CADPS: variants seen among roughly 807,000 people sequenced by gnomAD.
The protein encoded by CADPS is calcium dependent secretion activator.
A neutral mutation model predicts 167.3 loss-of-function variants in CADPS; 57 were observed. The observed-to-expected ratio is 0.34, with a 90% CI of 0.28 to 0.42. The LOEUF (loss-of-function observed/expected upper bound fraction) is 0.42, where lower values mean the gene tolerates loss of function less well. Ranked by LOEUF, CADPS falls within the 20% of genes least tolerant of loss-of-function variation. CADPS has a pLI of 1.00. For synonymous variants in CADPS, 676 were observed against 635.3 expected, an observed-to-expected ratio of 1.06 and a Z score of -0.96; for missense variants, 1,414 against 1,738.1, an observed-to-expected ratio of 0.81 and a Z score of 3.32.
In CADPS at chr3:62,530,643, T is replaced by C. The variant is rs1386504659; in HGVS notation, c.2291+2228A>G. 6 of 1,282,280 alleles carry C rather than the reference T, an allele frequency of 4.7e-6. No homozygotes were observed. In the Admixed American group the frequency reaches 9.4e-5, roughly 20 times the overall value. The allele number at this position is 1,282,280 out of a possible 1,614,324, so 79.4% of individuals were successfully genotyped here. A position where few individuals can be genotyped will look rare whatever the true frequency, so the allele number is the denominator to read the frequency against. On this transcript the variant is annotated intron_variant, in intron 13 of 29. Coordinates refer to ENST00000383710, the MANE Select transcript of CADPS (RefSeq NM_003716.4). ...TTACAAACACAAGCCAATACACACA[T>C]AACTTCTTACCTTTTCAGCTCTTGA... is the stretch of plus-strand genomic sequence containing the variant.
At chr3:62,791,100 G>A (rs1341152057) in intron 1 of CADPS, among the ~76,000 whole-genome samples, 1 of 152,096 alleles carries the variant, frequency 6.6e-6, no homozygotes. Flanking sequence ...AACAAGAGGG[G>A]AGACAAAATT....
Position 62,438,079 on chromosome 3 carries a change from C to T in CADPS, c.3777+25G>A, listed in dbSNP as rs547854639. 5 of 1,515,018 alleles carry T rather than the reference C, an allele frequency of 3.3e-6. No individual in the cohort carries two copies. The South Asian group carries it at 5.7e-5, about 17-fold the overall frequency. 93.8% of individuals were successfully genotyped at this position (1,515,018 alleles called of 1,614,324 possible). ...TTTGGAGGGTCTCCTCCTTGGTTTTCAAGGAGGAGAAGGCATTTACTTACA... is the reference window on the plus strand; with the variant it reads ...TTTGGAGGGTCTCCTCCTTGGTTTTTAAGGAGGAGAAGGCATTTACTTACA... On this transcript the variant is annotated intron_variant, in intron 28 of 29. Transcript: ENST00000383710. This position sits in a 1 kb window ranked among gnomAD's most constrained non-coding sequence, Gnocchi z 4.7.
intron 3 of CADPS, among the ~76,000 whole-genome samples, chr3:62,741,746 C>T (rs569600): frequency 0.34 from 52,276 of 151,864 alleles, 9,316 homozygotes; most frequent in South Asian, 0.48. Flanking sequence ...CCACTTCTAT[C>T]CAACACTGTA....
At chr3:62,462,370 G>A (rs940223673) in intron 26 of CADPS, among the ~76,000 whole-genome samples, 9 of 152,252 alleles carry the variant, frequency 5.9e-5, no homozygotes, top group Non-Finnish European at 1.3e-4. Context: ...AAGAGAGGAA[G>A]CAATGCAGAT....
intron 3 of CADPS, among the ~76,000 whole-genome samples, chr3:62,683,405 AG>A (rs2077456707): frequency 6.6e-6 from 1 of 152,016 alleles, no homozygotes; most frequent in South Asian, 2.1e-4. Context: ...TAGCATACAA[AG>A]GCTCGTTTGT....
intron 2 of CADPS, among the ~76,000 whole-genome samples, chr3:62,759,067 T>C (rs1223920690): frequency 2.0e-5 from 3 of 152,186 alleles, no homozygotes; most frequent in Admixed American, 1.3e-4. Context: ...TATTAATAAA[T>C]GGGCACATAA....
chr3:62,483,083 A>C (rs905134364), intron 21 of CADPS, among the ~76,000 whole-genome samples: 1 of 152,026 alleles, frequency 6.6e-6, no homozygotes, highest in African/African-American at 2.4e-5. Flanking sequence ...ATCCAGCCAA[A>C]GTCACTGGCA....
chr3:62,809,635 A>G (rs1479071875), intron 1 of CADPS, among the ~76,000 whole-genome samples: 1 of 151,192 alleles, frequency 6.6e-6, no homozygotes, highest in Non-Finnish European at 1.5e-5. Context: ...AGCACTTATC[A>G]CTCTCTGGTG....
At chr3:62,651,181 A>G (rs1299283035) in intron 4 of CADPS, 101 bp from the exon 5 acceptor site, 9 of 786,524 alleles carry the variant, frequency 1.1e-5, no homozygotes, top group Admixed American at 2.5e-5. Context: ...CACATCTACT[A>G]CTAGTGAAAT....
intron 3 of CADPS, among the ~76,000 whole-genome samples, chr3:62,689,131 T>C (rs753068611): frequency 1.1e-4 from 16 of 152,116 alleles, no homozygotes; most frequent in Non-Finnish European, 1.9e-4. Flanking sequence ...TGAACACATG[T>C]TGAATAAGGA....
At chr3:62,754,329 C>T (rs1043482542) in intron 2 of CADPS, among the ~76,000 whole-genome samples, 22 of 151,936 alleles carry the variant, frequency 1.4e-4, no homozygotes, top group Non-Finnish European at 2.2e-4. Context: ...GCCACCACAC[C>T]TGGCTATTTA....
intron 3 of CADPS, among the ~76,000 whole-genome samples, chr3:62,734,077 T>C (rs1397163375): frequency 6.6e-6 from 1 of 152,218 alleles, no homozygotes; most frequent in Non-Finnish European, 1.5e-5. Flanking sequence ...TTTGCAGTTG[T>C]GAATTTTGCT....
rs369301044 is a variant in CADPS at position 62,585,432 on chromosome 3, T to C, written c.1438-108A>G. On this transcript the variant is annotated intron_variant, in intron 7 of 29. Transcript: ENST00000383710. ...GGAGTGACTTGAACAATTCCCACTG[T>C]GGAGCAGCCATACCTGGGGATAGAA... The C allele has an allele frequency of 1.1e-4, 124 of 1,125,798 alleles. 1 individual carries two copies. The African/African-American group carries it at 1.7e-3, about 15-fold the overall frequency. The allele number at this position is 1,125,798 out of a possible 1,614,324, so 69.7% of individuals were successfully genotyped here.
chr3:62,830,037 C>A (rs485233), intron 1 of CADPS, among the ~76,000 whole-genome samples: 1 of 152,012 alleles, frequency 6.6e-6, no homozygotes, highest in Non-Finnish European at 1.5e-5. Flanking sequence ...GTGGGTGGCT[C>A]AGTGGGTGAT....
intron 6 of CADPS, among the ~76,000 whole-genome samples, chr3:62,628,618 C>A (rs529102600): frequency 1.8e-5 from 2 of 113,848 alleles, no homozygotes; most frequent in South Asian, 7.1e-4. Flanking sequence ...TCCATTCAAC[C>A]ATGAGCCTTT....
At chr3:62,561,761 A>G (rs2079205547) in intron 9 of CADPS, among the ~76,000 whole-genome samples, 2 of 152,152 alleles carry the variant, frequency 1.3e-5, no homozygotes, top group African/African-American at 2.4e-5. Flanking sequence ...AGACTAAAAT[A>G]CTTGGACATA....
chr3:62,706,746 A>G (rs895330514), intron 3 of CADPS, among the ~76,000 whole-genome samples: 13 of 152,224 alleles, frequency 8.5e-5, no homozygotes, highest in African/African-American at 2.7e-4. Context: ...TTTTTATAAG[A>G]ATATCATCAT....
chr3:62,690,250 T>A (rs1462131015), intron 3 of CADPS, among the ~76,000 whole-genome samples: 1 of 152,010 alleles, frequency 6.6e-6, no homozygotes, highest in African/African-American at 2.4e-5. Flanking sequence ...ATTCCCAATA[T>A]ACTGAGAGGG....
At chr3:62,847,326 G>A (rs1577254185) in intron 1 of CADPS, among the ~76,000 whole-genome samples, 1 of 110,790 alleles carries the variant, frequency 9.0e-6, no homozygotes, top group Non-Finnish European at 1.8e-5. Flanking sequence ...TGTGCACATT[G>A]TGCAGGTTAG....
Sources: allele counts gnomAD v4.1 joint callset (sites outside exome capture counted in the v4.1 genomes callset), GRCh38; gene constraint gnomAD v4.1.1; non-coding constraint Gnocchi (gnomAD v3.1); transcripts MANE v1.5; gene names NCBI Gene and HGNC (gene_info 2026-07-23, HGNC 2026-07-21).